PGGHG: variants seen among roughly 807,000 people sequenced by gnomAD.
PGGHG encodes the protein protein-glucosylgalactosylhydroxylysine glucosidase, also known as ATH1, acid trehalase-like 1.
A neutral mutation model predicts 74.5 loss-of-function variants in PGGHG; 67 were observed. The ratio of observed to expected loss-of-function variants is 0.90; its 90% CI spans 0.74 to 1.10. The LOEUF is 1.10. PGGHG is among the 50% of genes least tolerant of loss of function. PGGHG has a pLI of 0.00. For synonymous variants in PGGHG, 496 were observed against 419.9 expected (o/e 1.18, Z -2.21); for missense variants, 1,034 against 981.5 (o/e 1.05, Z -0.72).
Position 294,648 on chromosome 11 carries a change from A to G in PGGHG, c.2113A>G (p.Thr705Ala). 1 of 1,605,410 alleles carries G rather than the reference A, an allele frequency of 6.2e-7. No homozygotes were observed. The highest frequency in any genetic ancestry group is 8.5e-7 in the Non-Finnish European group (1 of 1,176,740). The change falls in exon 14 of 14, where the codon ACT (threonine) becomes GCT (alanine). Residue 705 changes from threonine to alanine, a missense_variant. Thr to Ala is a moderately conservative substitution (Grantham distance 58, BLOSUM62 0). Transcript: ENST00000409548. ...TTCCAGCTCCGAGTTCCCTGGGAGG[A>G]CTTTTTCAGATGTTAGGGACCCGCT... Reference protein sequence around the residue: ...GSSSSEFPGRTFSDVRDPLQS... With the variant: ...GSSSSEFPGRAFSDVRDPLQS...
At position 295,670 on chromosome 11, in the gene PGGHG, G is replaced by A. The variant is rs7104019; in HGVS notation, c.*921G>A. ...GAGGAATTAAAGCTTTGGTGCTGGG[G>A]AGAGCATTATTCCTCTGAGGAGCCG... On this transcript the variant is annotated 3_prime_UTR_variant, in exon 14 of 14. Coordinates refer to ENST00000409548, the MANE Select transcript of PGGHG (RefSeq NM_025092.5). 0.71 allele frequency: 108,888 copies of A among 152,370 alleles called. 39,145 individuals are homozygous for A. The highest frequency in any genetic ancestry group is 0.77 in the Middle Eastern group (232 of 302). The allele number at this position is 152,370 out of a possible 1,614,324, so 9.4% of individuals were successfully genotyped here. A position where few individuals can be genotyped will look rare whatever the true frequency, so the allele number is the denominator to read the frequency against.
At position 294,612 on chromosome 11, in the gene PGGHG, C is replaced by G; in HGVS notation, c.2077C>G (p.Leu693Val). 2 of 1,602,292 alleles carry G rather than the reference C, an allele frequency of 1.2e-6. No individual in the cohort carries two copies. The highest frequency in any genetic ancestry group is 1.7e-6 in the Non-Finnish European group (2 of 1,178,190). The change falls in exon 14 of 14, where the codon CTG (leucine) becomes GTG (valine). Residue 693 changes from leucine (L) to valine (V), a missense_variant. Transcript: ENST00000409548. ...CCGGATACAAATGTCACCCCCGAAG[C>G]TGCCTGGAAGTTCCAGCTCCGAGTT... Reference protein sequence around the residue: ...AGRIQMSPPKLPGSSSSEFPG... With the variant: ...AGRIQMSPPKVPGSSSSEFPG...
In PGGHG at chr11:290,468, T is replaced by C. The variant is rs1197693992; in HGVS notation, c.338T>C (p.Val113Ala). 31 of 1,549,926 alleles carry C rather than the reference T, an allele frequency of 2.0e-5. No individual in the cohort carries two copies. The highest frequency in any genetic ancestry group is 2.5e-5 in the Non-Finnish European group (29 of 1,146,938). ...TATGCGCATCGCACGCTGCCCCACG[T>C]GCTGGCTTTCCGAGTGTCCATCGCC... is the stretch of plus-strand genomic sequence containing the variant. ...CIYAHRTLPH[V>A]LAFRVSIARL... Residue 113 changes from valine to alanine, a missense_variant, in exon 3 of 14, where the codon GTG (valine) becomes GCG (alanine). Transcript: ENST00000409548.
chr11:293,834 T>C lies in PGGHG; in HGVS notation c.1619T>C (p.Met540Thr), dbSNP rs766127249. 6.2e-7 allele frequency: 1 copy of C among 1,613,652 alleles called. No homozygotes were observed. Among genetic ancestry groups the C allele is most frequent in the Non-Finnish European group, 8.5e-7 (1 of 1,179,962 alleles). The change falls in exon 11 of 14, where the codon ATG becomes ACG. Residue 540 changes from methionine to threonine, a missense_variant. Transcript: ENST00000409548. ...SPQGPAMTWS[M>T]FAVGWMELKD... ...TCCTCTTACCTCTGACCCCAGAGCATGTTTGCTGTGGGCTGGATGGAGCTG... is the reference window on the plus strand; with the variant it reads ...TCCTCTTACCTCTGACCCCAGAGCACGTTTGCTGTGGGCTGGATGGAGCTG...
In PGGHG at chr11:289,334, T is replaced by A. The variant is rs1422967939; in HGVS notation, c.-14+95T>A. 4.5e-5 allele frequency: 2 copies of A among 44,106 alleles called. No homozygotes were observed. Among genetic ancestry groups the A allele is most frequent in the African/African-American group, 1.8e-4 (2 of 11,126 alleles). 2.7% of individuals were successfully genotyped at this position (44,106 alleles called of 1,614,324 possible). On this transcript the variant is annotated intron_variant, in intron 1 of 13. Transcript: ENST00000409548. This position sits in a 1 kb window ranked among gnomAD's most constrained non-coding sequence, Gnocchi z 5.6. ...CCATCCTCCCTCCCCCACCCGCGCC[T>A]GCCCCAGCCGCCTACACCCCCGAGA...
chr11:292,176 C>T, intron 5 of PGGHG, 81 bp downstream of exon 5: 3 of 1,439,918 alleles, frequency 2.1e-6, no homozygotes, highest in South Asian at 1.4e-5. Flanking sequence ...GTATCCCTCT[C>T]CCCAGGCCCC....
At chr11:291,563 T>A in intron 4 of PGGHG, 1 of 252,672 alleles carries the variant, frequency 4.0e-6, no homozygotes, top group Non-Finnish European at 7.7e-6. Context: ...CGGAGGGGCA[T>A]GATGGCTGCT....
intron 4 of PGGHG, chr11:291,469 G>A (rs778256110): frequency 1.4e-4 from 42 of 292,520 alleles, no homozygotes; most frequent in Non-Finnish European, 2.2e-4. Context: ...ACGGGGACCT[G>A]TGGGGACTGG....
rs373471411 is a variant in PGGHG, at chr11:293,716, G to A, written c.1603G>A (p.Ala535Thr). The change falls in exon 10 of 14, where the codon GCC becomes ACC. Residue 535 changes from alanine to threonine, a missense_variant. Ala to Thr is a moderately conservative substitution (Grantham distance 58). Coordinates refer to ENST00000409548, the MANE Select transcript of PGGHG (RefSeq NM_025092.5). ...YEAVTSPQGP[A>T]MTWSMFAVGW... is the part of the protein sequence containing the mutation. ...GGCTGTGACGTCCCCCCAGGGCCCC[G>A]CCATGACCTGGGTGAGCACCCTGGG... is the stretch of plus-strand genomic sequence containing the variant. The A allele has an allele frequency of 2.9e-5, 47 of 1,613,164 alleles. No homozygotes were observed. Among genetic ancestry groups the A allele is most frequent in the Non-Finnish European group, 3.2e-5 (38 of 1,179,952 alleles).
intron 4 of PGGHG, 144 bp from the exon 5 acceptor site, chr11:291,832 G>A: frequency 8.3e-7 from 1 of 1,201,198 alleles, no homozygotes; most frequent in Non-Finnish European, 1.1e-6. Context: ...TGGGCAGGTG[G>A]GGAGGGCCTG....
rs760523547 is a variant in PGGHG, at chr11:294,659, T to C, written c.2124T>C (p.Asp708=). ...AGTTCCCTGGGAGGACTTTTTCAGA[T>C]GTTAGGGACCCGCTCCAGAGCCCCC... ...SSEFPGRTFS[D]VRDPLQSPLW... is the part of the protein sequence containing the mutation. The change falls in exon 14 of 14, where the codon GAT becomes GAC. Residue 708 remains aspartate, a synonymous_variant. Transcript: ENST00000409548. 1 of 1,613,626 alleles carries C rather than the reference T, an allele frequency of 6.2e-7. No homozygotes were observed. The highest frequency in any genetic ancestry group is 1.7e-5 in the Admixed American group (1 of 60,014).
intron 11 of PGGHG, 84 bp downstream of exon 11, chr11:294,009 C>G (rs993921392): frequency 6.3e-7 from 1 of 1,579,884 alleles, no homozygotes; most frequent in South Asian, 1.1e-5. Flanking sequence ...GCAGGGTGCA[C>G]CCCTGGAGCT....
In PGGHG at chr11:292,806, C is replaced by A; in HGVS notation, c.1159-80C>A. 2.5e-6 allele frequency: 4 copies of A among 1,608,638 alleles called. No homozygotes were observed. The South Asian group carries it at 3.3e-5, about 13-fold the overall frequency. ...TGAGGACAGGTGTCTCAATGCCAGG[C>A]CTTGCTTCTGGGCACAGACAGGCCA... is the stretch of plus-strand genomic sequence containing the variant. On this transcript the variant is annotated intron_variant, in intron 6 of 13. Coordinates refer to ENST00000409548, the MANE Select transcript of PGGHG (RefSeq NM_025092.5).
rs140713235 is a variant in PGGHG at position 292,052 on chromosome 11, C to T, written c.983C>T (p.Thr328Met). 8.3e-5 allele frequency: 132 copies of T among 1,593,256 alleles called. No individual in the cohort carries two copies. The highest frequency in any genetic ancestry group is 2.4e-4 in the South Asian group (21 of 88,106). Residue 328 changes from threonine (T) to methionine (M), a missense_variant, in exon 5 of 14, where the codon ACG becomes ATG. Physicochemically the swap from Thr to Met is moderately conservative, Grantham distance 81. Transcript: ENST00000409548. ...GCCATCCTGGAGTACCGCATCCGCA[C>T]GCTGGACGGGGCCCTGGAGAACGCC... Reference protein sequence around the residue: ...ARAILEYRIRTLDGALENAQN... With the variant: ...ARAILEYRIRMLDGALENAQN...
rs1271823206 is a variant in PGGHG at position 293,168 on chromosome 11, A to C, written c.1276A>C (p.Met426Leu). ...REEKYHLRGVMSPDEYHSGVN... is the reference protein window; with the variant it reads ...REEKYHLRGVLSPDEYHSGVN... ...TCTTGGACTTGTGTGTCCAGGAGTC[A>C]TGTCCCCCGACGAGTACCATTCAGG... The change falls in exon 8 of 14, where the codon ATG becomes CTG. Residue 426 changes from methionine (M) to leucine (L), a missense_variant. Met to Leu is a conservative substitution (Grantham distance 15, BLOSUM62 2). Coordinates refer to ENST00000409548, the MANE Select transcript of PGGHG (RefSeq NM_025092.5). 6.2e-7 allele frequency: 1 copy of C among 1,613,800 alleles called. No homozygotes were observed. Among genetic ancestry groups the C allele is most frequent in the Non-Finnish European group, 8.5e-7 (1 of 1,180,014 alleles).
intron 4 of PGGHG, chr11:291,497 C>T (rs748121956): frequency 1.9e-5 from 5 of 263,696 alleles, no homozygotes; most frequent in East Asian, 8.5e-5. Flanking sequence ...TGTGGGGCTG[C>T]GTGGAGCCCG....
chr11:292,103 G>A lies in PGGHG; in HGVS notation c.1026+8G>A, dbSNP rs372975879. On this transcript the variant is annotated splice_region_variant and intron_variant, in intron 5 of 13. Coordinates refer to ENST00000409548, the MANE Select transcript of PGGHG (RefSeq NM_025092.5). ...CAGAACCTGGGCTACCAGGTGAGGG[G>A]ACCTGGGGCACTGGCCCGTAGGGCC... 4.2e-4 allele frequency: 645 copies of A among 1,548,348 alleles called. 1 individual carries two copies. Among genetic ancestry groups the A allele is most frequent in the Non-Finnish European group, 5.4e-4 (617 of 1,146,800 alleles).
chr11:289,315 T>G lies in PGGHG; in HGVS notation c.-14+76T>G. ...CCCCCAGCCCCCGGTCGCCCCATCC[T>G]CCCTCCCCCACCCGCGCCTGCCCCA... On this transcript the variant is annotated intron_variant, in intron 1 of 13. Transcript: ENST00000409548. The surrounding 1 kb of genome is among the most constrained non-coding windows in gnomAD (Gnocchi z 5.6). 1 of 9,706 alleles carries G rather than the reference T, an allele frequency of 1.0e-4. No individual in the cohort carries two copies. The highest frequency in any genetic ancestry group is 2.9e-3 in the East Asian group (1 of 344). 0.6% of individuals were successfully genotyped at this position (9,706 alleles called of 1,614,324 possible).
In PGGHG at chr11:290,534, G is replaced by T. The variant is rs774165176; in HGVS notation, c.404G>T (p.Arg135Leu). Residue 135 changes from arginine to leucine, a missense_variant, in exon 3 of 14, where the codon CGG becomes CTG. By Grantham distance (102) the Arg-to-Leu change is moderately radical (BLOSUM62 -2). Transcript: ENST00000409548. ...AGCGGGCCCATCACGCTGCTCCTGC[G>T]GTCAGCCTTCTCCCCAGAAAGCCCA... is the stretch of plus-strand genomic sequence containing the variant. Reference protein sequence around the residue: ...PGSGPITLLLRSAFSPESPDL... With the variant: ...PGSGPITLLLLSAFSPESPDL... The T allele has an allele frequency of 3.2e-6, 5 of 1,550,566 alleles. No individual in the cohort carries two copies. The highest frequency in any genetic ancestry group is 4.4e-6 in the Non-Finnish European group (5 of 1,147,036).
Sources: allele counts gnomAD v4.1 joint callset, GRCh38; gene constraint gnomAD v4.1.1; non-coding constraint Gnocchi (gnomAD v3.1); transcripts MANE v1.5; gene names NCBI Gene and HGNC (gene_info 2026-07-23, HGNC 2026-07-21).